Variants in ZFPM2 observed in about 807,000 individuals in gnomAD.
The protein encoded by ZFPM2 is zinc finger protein, FOG family member 2.
ZFPM2 carries 20 observed loss-of-function variants against 98.6 expected under a neutral mutation model. The ratio of observed to expected loss-of-function variants is 0.20; its 90% CI spans 0.14 to 0.29. The LOEUF is 0.29. Among genes scored for constraint, ZFPM2 ranks in the 10% least tolerant of loss-of-function variants. The pLI is 1.00. For missense variants in ZFPM2, 1,310 were observed against 1,388.6 expected, an observed-to-expected ratio of 0.94 and a Z score of 0.90; for synonymous variants, 518 against 502.7, an observed-to-expected ratio of 1.03 and a Z score of -0.41.
chr8:105,537,197 A>AT (rs34744128), intron 3 of ZFPM2, among the ~76,000 whole-genome samples: 47 of 150,420 alleles, frequency 3.1e-4, no homozygotes, highest in Middle Eastern at 3.5e-3. Flanking sequence ...ATTAATTCAG[A>AT]TTTTTTTTTT....
At chr8:105,476,679 G>T (rs768075898) in intron 3 of ZFPM2, among the ~76,000 whole-genome samples, 1 of 152,114 alleles carries the variant, frequency 6.6e-6, no homozygotes, top group Non-Finnish European at 1.5e-5. Flanking sequence ...CTAGTGATTT[G>T]CATAGTATAG....
chr8:105,600,706 TATG>T (rs1428614858), intron 4 of ZFPM2, among the ~76,000 whole-genome samples: 8 of 152,146 alleles, frequency 5.3e-5, no homozygotes, highest in African/African-American at 1.9e-4. Flanking sequence ...TGGATAATCA[TATG>T]ATGATTATAT....
intron 3 of ZFPM2, among the ~76,000 whole-genome samples, chr8:105,530,326 C>T (rs766637071): frequency 6.6e-6 from 1 of 152,128 alleles, no homozygotes; most frequent in Non-Finnish European, 1.5e-5. Context: ...TGTTCTGTCA[C>T]ATACTTTTGT....
At chr8:105,695,707 CATT>C (rs765769222) in intron 5 of ZFPM2, among the ~76,000 whole-genome samples, 7 of 152,166 alleles carry the variant, frequency 4.6e-5, no homozygotes, top group Non-Finnish European at 1.0e-4. Flanking sequence ...AGGTTGGAGA[CATT>C]AGAGAAATAA....
rs546416557 is a variant in ZFPM2, at chr8:105,691,539, C to T, written c.532+57182C>T. Among the ~76,000 whole-genome samples the T allele has an allele frequency of 3.8e-4, 46 of 122,418 alleles. 4 individuals carry two copies. The East Asian group carries it at 5.7e-3, about 15-fold the overall frequency. The allele number at this position is 122,418 out of a possible 152,430, so 80.3% of individuals were successfully genotyped here. A position where few individuals can be genotyped will look rare whatever the true frequency, so the allele number is the denominator to read the frequency against. ...CTGGGATTACAGGCGTGAGCCACCGCGCCCAGCCCCAAAGAGACTTTTTGA... is the reference window on the plus strand; with the variant it reads ...CTGGGATTACAGGCGTGAGCCACCGTGCCCAGCCCCAAAGAGACTTTTTGA... On this transcript the variant is annotated intron_variant, in intron 5 of 7. Transcript: ENST00000407775.
chr8:105,637,902 T>C lies in ZFPM2; in HGVS notation c.532+3545T>C, dbSNP rs1816878676. ...GCCTATATTATTTATTAATTGGGCC[T>C]CTTTTGTTTTCAAGTGGTGGAATTC... On this transcript the variant is annotated intron_variant, in intron 5 of 7. Transcript: ENST00000407775. Among the ~76,000 whole-genome samples the C allele has an allele frequency of 2.0e-5, 3 of 152,098 alleles. No individual in the cohort carries two copies. In the South Asian group the frequency reaches 6.2e-4, roughly 31 times the overall value.
At chr8:105,528,954 G>T (rs1445853916) in intron 3 of ZFPM2, 1 of 152,004 alleles carries the variant, frequency 6.6e-6, no homozygotes, top group African/African-American at 2.4e-5. Context: ...TCTACTGTAG[G>T]GCTTCTGAAA....
chr8:105,773,451 T>A, intron 5 of ZFPM2, among the ~76,000 whole-genome samples: 1 of 152,008 alleles, frequency 6.6e-6, no homozygotes, highest in East Asian at 1.9e-4. Context: ...GTTTTCTGGT[T>A]TTACCTAAAT....
At chr8:105,673,145 A>AT (rs1207214932) in intron 5 of ZFPM2, among the ~76,000 whole-genome samples, 18 of 111,206 alleles carry the variant, frequency 1.6e-4, no homozygotes, top group East Asian at 8.1e-4. Flanking sequence ...ACTTAAATAT[A>AT]TTTTTTTTCA....
At chr8:105,725,909 C>G (rs184060472) in intron 5 of ZFPM2, among the ~76,000 whole-genome samples, 103 of 151,746 alleles carry the variant, frequency 6.8e-4, no homozygotes, top group Non-Finnish European at 1.1e-3. Context: ...CAACCCAGTT[C>G]AACAAAGGTT....
chr8:105,456,108 A>G (rs10105983), intron 3 of ZFPM2, among the ~76,000 whole-genome samples: 19 of 151,496 alleles, frequency 1.3e-4, no homozygotes, highest in Non-Finnish European at 2.4e-4. Context: ...GAAGACTGAT[A>G]AGCAGTGGCC....
chr8:105,470,113 A>G (rs567893011), intron 3 of ZFPM2, among the ~76,000 whole-genome samples: 9 of 152,284 alleles, frequency 5.9e-5, no homozygotes, highest in Admixed American at 5.9e-4. Flanking sequence ...AGAACTTTCA[A>G]AAATAACTTG....
chr8:105,515,928 T>TTTTC (rs1813911478), intron 3 of ZFPM2, among the ~76,000 whole-genome samples: 1 of 147,070 alleles, frequency 6.8e-6, no homozygotes. Flanking sequence ...TTTTTTTTTT[T>TTTTC]TTTTTTGAGA....
chr8:105,559,936 G>T (rs1032396467), intron 3 of ZFPM2, among the ~76,000 whole-genome samples: 2 of 151,948 alleles, frequency 1.3e-5, no homozygotes, highest in Non-Finnish European at 2.9e-5. Flanking sequence ...GGCCAGGCGC[G>T]GTGGCTCACG....
At chr8:105,621,562 T>C (rs1816547121) in intron 4 of ZFPM2, among the ~76,000 whole-genome samples, 2 of 152,172 alleles carry the variant, frequency 1.3e-5, no homozygotes, top group African/African-American at 4.8e-5. Flanking sequence ...TCCAACACTA[T>C]GTTGAATATG....
At chr8:105,647,602 C>G (rs1339014731) in intron 5 of ZFPM2, among the ~76,000 whole-genome samples, 1 of 147,250 alleles carries the variant, frequency 6.8e-6, no homozygotes, top group Non-Finnish European at 1.5e-5. Flanking sequence ...TGTTCAATTC[C>G]CACCTGTGAG....
In ZFPM2 at chr8:105,385,977, G is replaced by T. The variant is rs145757121; in HGVS notation, c.41-33167G>T. ...GTGACCTTGAGCAAGTTACTTATCT[G>T]TGCCTCAGTTCCCTCATCTATAACA... On this transcript the variant is annotated intron_variant, in intron 1 of 7. Transcript: ENST00000407775. Among the ~76,000 whole-genome samples the T allele has an allele frequency of 3.3e-5, 5 of 152,242 alleles. No homozygotes were observed. In the East Asian group the frequency reaches 9.7e-4, roughly 29 times the overall value.
intron 5 of ZFPM2, among the ~76,000 whole-genome samples, chr8:105,687,024 G>A (rs1271351612): frequency 6.6e-6 from 1 of 152,142 alleles, no homozygotes; most frequent in Non-Finnish European, 1.5e-5. Flanking sequence ...AATGTGGTGT[G>A]TGAATGTTTT....
intron 7 of ZFPM2, 79 bp downstream of exon 7, chr8:105,799,027 G>C (rs16873705): frequency 1.7e-6 from 2 of 1,205,220 alleles, no homozygotes; most frequent in Non-Finnish European, 2.3e-6. Flanking sequence ...ACATGTATAC[G>C]TCTATATCTG....
Sources: gnomAD v4.1 joint callset for allele counts (sites outside exome capture counted in the v4.1 genomes callset) on GRCh38, gnomAD v4.1.1 for gene constraint, MANE v1.5 for transcripts, NCBI Gene and HGNC (gene_info 2026-07-23, HGNC 2026-07-21) for gene names.